The following PHF2 variants were observed in gnomAD, a reference collection of about 807,000 sequenced individuals.
PHF2 encodes PHD finger protein 2.
PHF2 carries 27 observed loss-of-function variants against 120.5 expected under a neutral mutation model. The ratio of observed to expected loss-of-function variants is 0.22; its 90% CI spans 0.17 to 0.31. The LOEUF (loss-of-function observed/expected upper bound fraction) is 0.31. Ranked by LOEUF, PHF2 falls within the 10% of genes least tolerant of loss-of-function variation. PHF2 has a pLI of 1.00. For missense variants in PHF2, 1,024 were observed against 1,434.8 expected (o/e 0.71, Z 4.63); for synonymous variants, 568 against 592.5 (o/e 0.96, Z 0.60).
At chr9:93,629,740 T>G (rs1348110314) in intron 1 of PHF2, among the ~76,000 whole-genome samples, 1 of 152,126 alleles carries the variant, frequency 6.6e-6, no homozygotes, top group Non-Finnish European at 1.5e-5. Flanking sequence ...GTGGGGCATA[T>G]CCAGACGCTG....
intron 17 of PHF2, among the ~76,000 whole-genome samples, chr9:93,668,783 G>C (rs1165115192): frequency 6.6e-6 from 1 of 152,224 alleles, no homozygotes; most frequent in Non-Finnish European, 1.5e-5. Context: ...GTGCCTCGGA[G>C]CAGTGTGCAC....
At chr9:93,628,568 A>T (rs954390910) in intron 1 of PHF2, among the ~76,000 whole-genome samples, 1 of 152,078 alleles carries the variant, frequency 6.6e-6, no homozygotes, top group Non-Finnish European at 1.5e-5. Flanking sequence ...TAAGGTCAAC[A>T]GTGTCTTTAT....
chr9:93,622,181 TAGGACTTCCTTACATTCAC>T (rs1825837055), intron 1 of PHF2, among the ~76,000 whole-genome samples: 1 of 152,162 alleles, frequency 6.6e-6, no homozygotes, highest in Non-Finnish European at 1.5e-5. Flanking sequence ...TTGAGGAGAC[TAGGACTTCCTTACATTCAC>T]AGGCACTGCT....
intron 20 of PHF2, 42 bp downstream of exon 20, chr9:93,675,831 C>CT (rs780210137): frequency 2.0e-6 from 3 of 1,472,536 alleles, no homozygotes; most frequent in Non-Finnish European, 2.8e-6. Flanking sequence ...CAGGTCCCTG[C>CT]TACCCCCACC....
At chr9:93,652,776 C>T (rs1248655693) in intron 5 of PHF2, among the ~76,000 whole-genome samples, 1 of 152,138 alleles carries the variant, frequency 6.6e-6, no homozygotes, top group African/African-American at 2.4e-5. Flanking sequence ...TGGCTGTTAT[C>T]CAGGTGACGC....
intron 2 of PHF2, among the ~76,000 whole-genome samples, chr9:93,633,024 GT>G (rs1826026382): frequency 6.6e-6 from 1 of 152,204 alleles, no homozygotes; most frequent in Non-Finnish European, 1.5e-5. Flanking sequence ...GCCACTCTGT[GT>G]CCCTGGAGAA....
chr9:93,648,928 C>T (rs1826308171), intron 4 of PHF2, 143 bp from the exon 5 acceptor site: 1 of 847,046 alleles, frequency 1.2e-6, no homozygotes, highest in Non-Finnish European at 1.8e-6. Context: ...GACGTTGGCA[C>T]CTAGAGCCTC....
At chr9:93,589,392 C>T (rs538327187) in intron 1 of PHF2, among the ~76,000 whole-genome samples, 17 of 152,102 alleles carry the variant, frequency 1.1e-4, no homozygotes, top group Non-Finnish European at 2.2e-4. Flanking sequence ...GCTTTCTGTG[C>T]GCTGTAGATG....
chr9:93,612,097 T>C (rs1825645776), intron 1 of PHF2, among the ~76,000 whole-genome samples: 1 of 152,246 alleles, frequency 6.6e-6, no homozygotes, highest in Non-Finnish European at 1.5e-5. Flanking sequence ...TGCTCTTTGC[T>C]GAACAATATA....
At chr9:93,607,830 A>T (rs1390241197) in intron 1 of PHF2, among the ~76,000 whole-genome samples, 2 of 152,116 alleles carry the variant, frequency 1.3e-5, no homozygotes, top group African/African-American at 2.4e-5. Flanking sequence ...TTTGTATATC[A>T]ATCTTGTATT....
chr9:93,673,998 C>A, intron 18 of PHF2, 136 bp downstream of exon 18: 1 of 977,440 alleles, frequency 1.0e-6, no homozygotes, highest in Non-Finnish European at 1.4e-6. Flanking sequence ...CGGCCTCTGA[C>A]TGCTGTCCCC....
chr9:93,598,044 C>T (rs1825366589), intron 1 of PHF2, among the ~76,000 whole-genome samples: 1 of 152,134 alleles, frequency 6.6e-6, no homozygotes, highest in Admixed American at 6.5e-5. Flanking sequence ...GCTTTATGGG[C>T]CGGCCGAGTG....
chr9:93,660,645 G>A, intron 12 of PHF2, 85 bp downstream of exon 12: 1 of 1,306,156 alleles, frequency 7.7e-7, no homozygotes, highest in Non-Finnish European at 1.0e-6. Flanking sequence ...GAGATAGCTA[G>A]GGCCCATTGT....
chr9:93,662,839 C>T, intron 12 of PHF2, 68 bp from the exon 13 acceptor site: 2 of 1,581,626 alleles, frequency 1.3e-6, no homozygotes, highest in Non-Finnish European at 8.6e-7. Flanking sequence ...GACAGGGAAT[C>T]TGTGGCTCAA....
At chr9:93,612,514 TTGTG>T (rs1387417031) in intron 1 of PHF2, among the ~76,000 whole-genome samples, 3 of 152,238 alleles carry the variant, frequency 2.0e-5, no homozygotes, top group Admixed American at 1.3e-4. Context: ...AAAAAGCAGT[TTGTG>T]TGGCCTTTTA....
intron 15 of PHF2, 63 bp downstream of exon 15, chr9:93,665,927 C>G: frequency 6.2e-7 from 1 of 1,612,166 alleles, no homozygotes; most frequent in Non-Finnish European, 8.5e-7. Flanking sequence ...CCGGAGAGGT[C>G]TTCCCAGGGT....
chr9:93,620,962 G>A (rs1825816089), intron 1 of PHF2, among the ~76,000 whole-genome samples: 2 of 152,220 alleles, frequency 1.3e-5, no homozygotes, highest in Admixed American at 6.5e-5. Context: ...TTGCACAATC[G>A]AAGCCCTGGA....
chr9:93,614,624 A>G (rs1825691614), intron 1 of PHF2, among the ~76,000 whole-genome samples: 1 of 152,248 alleles, frequency 6.6e-6, no homozygotes, highest in Non-Finnish European at 1.5e-5. Context: ...AGGAATGGAC[A>G]TAGCACACTT....
At chr9:93,663,382 G>A (rs948978547) in intron 13 of PHF2, 135 bp from the exon 14 acceptor site, 11 of 687,806 alleles carry the variant, frequency 1.6e-5, no homozygotes, top group Middle Eastern at 4.3e-4. Flanking sequence ...GCAGTGGCCC[G>A]GGTGGCCACC....
Sources: gnomAD v4.1 joint callset for allele counts (sites outside exome capture counted in the v4.1 genomes callset) on GRCh38, gnomAD v4.1.1 for gene constraint, MANE v1.5 for transcripts, NCBI Gene and HGNC (gene_info 2026-07-23, HGNC 2026-07-21) for gene names.